The following GULP1 variants were observed in gnomAD, a reference collection of about 807,000 sequenced individuals.
GULP1 encodes the protein GULP PTB domain containing engulfment adaptor 1.
In GULP1, 19 loss-of-function variants were observed where a neutral mutation model predicts 40.9. The observed-to-expected ratio is 0.46, with a 90% CI of 0.32 to 0.68. The LOEUF (loss-of-function observed/expected upper bound fraction) is 0.68. Among genes scored for constraint, GULP1 ranks in the 30% least tolerant of loss-of-function variants. The probability of loss-of-function intolerance (pLI) is 0.03; values close to 1 mark genes in which losing one functional copy is unlikely to be tolerated. For missense variants in GULP1, 312 were observed against 362.2 expected (o/e 0.86, Z 1.12); for synonymous variants, 119 against 117.6 (o/e 1.01, Z -0.08).
chr2:188,550,365 A>G (rs1693140894), intron 7 of GULP1, among the ~76,000 whole-genome samples: 1 of 151,646 alleles, frequency 6.6e-6, no homozygotes, highest in South Asian at 2.1e-4. Flanking sequence ...GATATGGTTG[A>G]TTTTTATTAT....
intron 9 of GULP1, among the ~76,000 whole-genome samples, chr2:188,578,997 C>G (rs955379441): frequency 6.6e-6 from 1 of 152,138 alleles, no homozygotes; most frequent in African/African-American, 2.4e-5. Context: ...GGTGCTACAT[C>G]CGCACGTTCA....
At chr2:188,468,084 C>G (rs893066522) in intron 2 of GULP1, among the ~76,000 whole-genome samples, 2 of 152,094 alleles carry the variant, frequency 1.3e-5, no homozygotes, top group East Asian at 3.8e-4. Flanking sequence ...ATATGTATGA[C>G]TGAATCAAAT....
At chr2:188,421,735 G>A (rs1453146768) in intron 2 of GULP1, among the ~76,000 whole-genome samples, 1 of 152,136 alleles carries the variant, frequency 6.6e-6, no homozygotes, top group African/African-American at 2.4e-5. Context: ...TTGCTGGGGA[G>A]TGGGCCACTC....
intron 1 of GULP1, among the ~76,000 whole-genome samples, chr2:188,313,264 A>G (rs2038489997): frequency 6.6e-6 from 1 of 152,110 alleles, no homozygotes; most frequent in Non-Finnish European, 1.5e-5. Context: ...TTTTACATTT[A>G]AGTCTTGAAT....
chr2:188,505,047 A>G (rs1345927932), intron 4 of GULP1, among the ~76,000 whole-genome samples: 1 of 151,532 alleles, frequency 6.6e-6, no homozygotes, highest in Non-Finnish European at 1.5e-5. Flanking sequence ...AGTAGTGGAA[A>G]ATTTTTTAAT....
rs536156251 is a variant in GULP1 at position 188,569,894 on chromosome 2, TCAAA to T, written c.517-130_517-127del. 3.0e-5 allele frequency: 16 copies of T among 529,142 alleles called. No homozygotes were observed. The South Asian group carries it at 3.8e-4, about 13-fold the overall frequency. The allele number at this position is 529,142 out of a possible 1,614,324, so 32.8% of individuals were successfully genotyped here. On this transcript the variant is annotated intron_variant, in intron 8 of 11. Coordinates refer to ENST00000409830, the MANE Select transcript of GULP1 (RefSeq NM_016315.4). ...ATCCTCCAGCATTTCCCAAGCTTTA[TCAAA>T]CAATTTTCTCCCCACGCACAACAAA...
chr2:188,529,042 G>T (rs1575810151), intron 5 of GULP1, 55 bp from the exon 6 acceptor site: 1 of 835,172 alleles, frequency 1.2e-6, no homozygotes, highest in African/African-American at 1.7e-5. Flanking sequence ...ATTTATTTTT[G>T]TTCATTCTTT....
intron 1 of GULP1, among the ~76,000 whole-genome samples, chr2:188,364,783 T>TATACATATACATATCATATATAC (rs1200792697): frequency 1.9e-4 from 27 of 143,708 alleles, no homozygotes; most frequent in Admixed American, 9.1e-4. Context: ...ACATGATATA[T>TATACATATACATATCATATATAC]ATACATATAC....
intron 2 of GULP1, among the ~76,000 whole-genome samples, chr2:188,403,276 C>A (rs952872915): frequency 6.6e-6 from 1 of 152,006 alleles, no homozygotes; most frequent in African/African-American, 2.4e-5. Flanking sequence ...TAGTATATAT[C>A]ATTACGAAGA....
At chr2:188,296,322 T>C (rs545233428) in intron 1 of GULP1, among the ~76,000 whole-genome samples, 69 of 152,132 alleles carry the variant, frequency 4.5e-4, no homozygotes, top group Non-Finnish European at 8.8e-4. Flanking sequence ...AAAGTCATTG[T>C]TCCAGAGTAA....
At chr2:188,570,591 A>C (rs1299341100) in intron 9 of GULP1, among the ~76,000 whole-genome samples, 1 of 152,124 alleles carries the variant, frequency 6.6e-6, no homozygotes, top group Non-Finnish European at 1.5e-5. Context: ...TCAAACATTA[A>C]AATGAGTGGT....
chr2:188,537,455 T>C (rs1689238809), intron 6 of GULP1, among the ~76,000 whole-genome samples: 1 of 152,132 alleles, frequency 6.6e-6, no homozygotes, highest in Non-Finnish European at 1.5e-5. Flanking sequence ...ATGGTTTTTG[T>C]TCTTAATTCT....
intron 1 of GULP1, among the ~76,000 whole-genome samples, chr2:188,341,701 A>T (rs2042989256): frequency 6.6e-6 from 1 of 152,228 alleles, no homozygotes; most frequent in Non-Finnish European, 1.5e-5. Flanking sequence ...ACTGTGTGCC[A>T]AGAAATGTAC....
intron 1 of GULP1, among the ~76,000 whole-genome samples, chr2:188,346,350 G>T (rs2043641946): frequency 6.6e-6 from 1 of 152,244 alleles, no homozygotes; most frequent in African/African-American, 2.4e-5. Flanking sequence ...GCCTCCAAAT[G>T]CTTATTACAG....
intron 1 of GULP1, among the ~76,000 whole-genome samples, chr2:188,376,495 T>G (rs963250387): frequency 6.6e-6 from 1 of 152,098 alleles, no homozygotes; most frequent in African/African-American, 2.4e-5. Flanking sequence ...GCAACCAAGT[T>G]AAAAGAATAA....
intron 1 of GULP1, among the ~76,000 whole-genome samples, chr2:188,331,868 C>T (rs2152057187): frequency 6.6e-6 from 1 of 152,132 alleles, no homozygotes; most frequent in Admixed American, 6.5e-5. Flanking sequence ...TAATGGGCAA[C>T]TTATATTTTT....
At chr2:188,507,811 A>G (rs1467399718) in intron 4 of GULP1, among the ~76,000 whole-genome samples, 1 of 151,950 alleles carries the variant, frequency 6.6e-6, no homozygotes, top group Admixed American at 6.6e-5. Flanking sequence ...CAATTAATAA[A>G]TGGAAGTGCA....
intron 3 of GULP1, among the ~76,000 whole-genome samples, chr2:188,481,438 A>G (rs879751584): frequency 1.2e-4 from 18 of 151,986 alleles, no homozygotes; most frequent in Non-Finnish European, 2.4e-4. Context: ...GAGGATATGT[A>G]ATAAACAAAC....
chr2:188,309,732 C>T (rs1217250885), intron 1 of GULP1, among the ~76,000 whole-genome samples: 1 of 152,132 alleles, frequency 6.6e-6, no homozygotes, highest in Non-Finnish European at 1.5e-5. Flanking sequence ...AGTGATCAAT[C>T]TTGTGGAATA....
Sources: gnomAD v4.1 joint callset for allele counts (sites outside exome capture counted in the v4.1 genomes callset) on GRCh38, gnomAD v4.1.1 for gene constraint, MANE v1.5 for transcripts, NCBI Gene and HGNC (gene_info 2026-07-23, HGNC 2026-07-21) for gene names.